KIAA1217: variants seen among roughly 807,000 people sequenced by gnomAD.
KIAA1217 encodes KIAA1217.
In KIAA1217, 88 loss-of-function variants were observed where a neutral mutation model predicts 163.9. The ratio of observed to expected loss-of-function variants is 0.54; its 90% confidence interval spans 0.45 to 0.64. The LOEUF (loss-of-function observed/expected upper bound fraction) is 0.64, where lower values mean the gene tolerates loss of function less well. Ranked by LOEUF, KIAA1217 falls within the 30% of genes least tolerant of loss-of-function variation. The pLI is 0.00. For missense variants in KIAA1217, 2,372 were observed against 2,475.0 expected (o/e 0.96, Z 0.88); for synonymous variants, 903 against 923.1 (o/e 0.98, Z 0.39).
rs370547514 is a variant in KIAA1217 at position 24,516,737 on chromosome 10, G to A, written c.2177+3303G>A. Among the ~76,000 whole-genome samples, 22 of 152,318 alleles carry A rather than the reference G, an allele frequency of 1.4e-4. No individual in the cohort carries two copies. In the East Asian group the frequency reaches 1.5e-3, roughly 11 times the overall value. ...GACCATATGGGAAGCTACTGTATCC[G>A]TCAGGCAAAAGGCAGTGAGGCCTGA... On this transcript the variant is annotated intron_variant, in intron 10 of 20. Transcript: ENST00000376454.
In KIAA1217 at chr10:24,079,161, G is replaced by A. The variant is rs966590419; in HGVS notation, c.-171+71787G>A. 6.6e-5 allele frequency among the ~76,000 whole-genome samples: 10 copies of A among 152,208 alleles called. 2 individuals are homozygous for A. Among genetic ancestry groups the A allele is most frequent in the Admixed American group, 6.5e-4 (10 of 15,282 alleles). ...ATTGATTCACAAAAGGATTCATCAAGTAGCCACAATGTGCAGGGATTATGG... is the reference window on the plus strand; with the variant it reads ...ATTGATTCACAAAAGGATTCATCAAATAGCCACAATGTGCAGGGATTATGG... On this transcript the variant is annotated intron_variant, in intron 2 of 18. Coordinates refer to the KIAA1217 transcript ENST00000376462.
chr10:23,829,967 G>A (rs925004700), intron 1 of KIAA1217, among the ~76,000 whole-genome samples: 6 of 152,152 alleles, frequency 3.9e-5, no homozygotes, highest in African/African-American at 1.2e-4. Flanking sequence ...ATTCTCTGTT[G>A]TACTAAGTTG....
chr10:24,415,646 C>T (rs545098483), intron 3 of KIAA1217, among the ~76,000 whole-genome samples: 25 of 152,204 alleles, frequency 1.6e-4, no homozygotes, highest in African/African-American at 4.1e-4. Flanking sequence ...AACCCCCTTC[C>T]GCCTTTGCTT....
intron 6 of KIAA1217, among the ~76,000 whole-genome samples, chr10:24,484,842 T>C (rs2065183223): frequency 6.6e-6 from 1 of 152,214 alleles, no homozygotes; most frequent in Non-Finnish European, 1.5e-5. Context: ...CATAGAGTTG[T>C]GCCAGCCCTT....
At chr10:24,330,898 G>A (rs1279324738) in intron 2 of KIAA1217, among the ~76,000 whole-genome samples, 1 of 152,068 alleles carries the variant, frequency 6.6e-6, no homozygotes, top group African/African-American at 2.4e-5. Context: ...ATATGTGTGA[G>A]CCACTGTGCC....
chr10:23,779,542 A>G (rs1835163136), intron 1 of KIAA1217, among the ~76,000 whole-genome samples: 1 of 152,214 alleles, frequency 6.6e-6, no homozygotes, highest in Admixed American at 6.5e-5. Context: ...TAAATTGACC[A>G]CAAATTCTAC....
intron 1 of KIAA1217, among the ~76,000 whole-genome samples, chr10:23,885,602 G>T (rs1369693032): frequency 6.6e-6 from 1 of 151,930 alleles, no homozygotes; most frequent in Non-Finnish European, 1.5e-5. Context: ...CGTAAGTCCA[G>T]GAAAAGTCTC....
intron 6 of KIAA1217, among the ~76,000 whole-genome samples, chr10:24,480,366 G>T (rs973246015): frequency 6.6e-6 from 1 of 152,178 alleles, no homozygotes; most frequent in Non-Finnish European, 1.5e-5. Flanking sequence ...ATTATTGATA[G>T]AGCTTGCTAT....
chr10:24,013,149 T>C (rs1463713652), intron 2 of KIAA1217, among the ~76,000 whole-genome samples: 1 of 152,076 alleles, frequency 6.6e-6, no homozygotes, highest in East Asian at 1.9e-4. Context: ...TGTTCAGTGG[T>C]GATTTCACTG....
chr10:23,716,233 A>G (rs913482016), intron 1 of KIAA1217, among the ~76,000 whole-genome samples: 1 of 152,186 alleles, frequency 6.6e-6, no homozygotes. Context: ...TCTTTATGAA[A>G]TAAATGAACA....
At chr10:24,206,934 T>C (rs1184597935), upstream of KIAA1217, among the ~76,000 whole-genome samples, 1 of 152,064 alleles carries the variant, frequency 6.6e-6, no homozygotes, top group Non-Finnish European at 1.5e-5. Flanking sequence ...CCTATTTTTG[T>C]CCATCTAGGG....
rs1395144810 is a variant in KIAA1217, at chr10:24,026,586, C to T, written c.-171+19212C>T. ...AATTGTTTATTTATATGATTATATC[C>T]TCTCTTTCATTCCTGATATTCATAA... On this transcript the variant is annotated intron_variant, in intron 2 of 18. Coordinates refer to the KIAA1217 transcript ENST00000376462. Among the ~76,000 whole-genome samples, 3 of 151,046 alleles carry T rather than the reference C, an allele frequency of 2.0e-5. No homozygotes were observed. In the East Asian group the frequency reaches 5.8e-4, roughly 29 times the overall value.
At chr10:24,291,347 G>A (rs1373779238) in intron 2 of KIAA1217, among the ~76,000 whole-genome samples, 1 of 152,084 alleles carries the variant, frequency 6.6e-6, no homozygotes, top group Non-Finnish European at 1.5e-5. Flanking sequence ...TGGCCAACAT[G>A]GTAAAACCCT....
intron 1 of KIAA1217, among the ~76,000 whole-genome samples, chr10:23,888,894 A>C (rs1589019539): frequency 6.6e-6 from 1 of 151,838 alleles, no homozygotes; most frequent in Non-Finnish European, 1.5e-5. Flanking sequence ...GACATTTAGC[A>C]CTAGTGATTA....
chr10:24,319,733 C>A (rs1170556309), intron 2 of KIAA1217, among the ~76,000 whole-genome samples: 5 of 152,216 alleles, frequency 3.3e-5, no homozygotes, highest in African/African-American at 1.2e-4. Flanking sequence ...AAGACCCCAA[C>A]AACTGGCCCT....
At chr10:24,410,703 A>G (rs1481580389) in intron 3 of KIAA1217, among the ~76,000 whole-genome samples, 1 of 152,218 alleles carries the variant, frequency 6.6e-6, no homozygotes, top group Non-Finnish European at 1.5e-5. Flanking sequence ...GGTTAATAGC[A>G]CTTTTATATG....
At chr10:23,775,115 A>G (rs904037702) in intron 1 of KIAA1217, among the ~76,000 whole-genome samples, 1 of 152,120 alleles carries the variant, frequency 6.6e-6, no homozygotes, top group Non-Finnish European at 1.5e-5. Context: ...AGACAGCCTC[A>G]GGCAGTGAGT....
At chr10:24,536,249 C>T (rs1592748707) in intron 16 of KIAA1217, among the ~76,000 whole-genome samples, 1 of 152,168 alleles carries the variant, frequency 6.6e-6, no homozygotes, top group South Asian at 2.1e-4. Flanking sequence ...TCACTTTACT[C>T]TAAATGAGCC....
At chr10:23,939,810 A>G (rs1843680807) in intron 1 of KIAA1217, among the ~76,000 whole-genome samples, 2 of 151,496 alleles carry the variant, frequency 1.3e-5, no homozygotes, top group African/African-American at 4.8e-5. Context: ...CAGAATATAC[A>G]TTCTTTGTAA....
Sources: allele counts gnomAD v4.1 joint callset (sites outside exome capture counted in the v4.1 genomes callset), GRCh38; gene constraint gnomAD v4.1.1; transcripts MANE v1.5; gene names NCBI Gene and HGNC (gene_info 2026-07-23, HGNC 2026-07-21).